Variants in COL13A1 observed in about 807,000 individuals in gnomAD.
The protein encoded by COL13A1 is collagen alpha-1(XIII) chain.
In COL13A1, 89 loss-of-function variants were observed where a neutral mutation model predicts 130.9. That is an observed-to-expected ratio of 0.68 (90% CI 0.57 to 0.81). The LOEUF (loss-of-function observed/expected upper bound fraction) is 0.81. Among genes scored for constraint, COL13A1 ranks in the 30% least tolerant of loss-of-function variants. The probability of loss-of-function intolerance (pLI) is 0.00; values close to 1 mark genes in which losing one functional copy is unlikely to be tolerated. For missense variants in COL13A1, 879 were observed against 934.6 expected, an observed-to-expected ratio of 0.94 and a Z score of 0.78; for synonymous variants, 402 against 341.6, an observed-to-expected ratio of 1.18 and a Z score of -1.95.
At chr10:69,940,363 A>G (rs2067457255) in intron 34 of COL13A1, among the ~76,000 whole-genome samples, 1 of 152,216 alleles carries the variant, frequency 6.6e-6, no homozygotes, top group Non-Finnish European at 1.5e-5. Flanking sequence ...CTCAGACTGT[A>G]AAGTGCCAGC....
chr10:69,817,085 A>T (rs550539141), intron 1 of COL13A1, among the ~76,000 whole-genome samples: 2 of 152,164 alleles, frequency 1.3e-5, no homozygotes, highest in Non-Finnish European at 2.9e-5. Context: ...AGCCACACTG[A>T]TTTGTTTCCA....
At chr10:69,822,259 GT>G in intron 1 of COL13A1, 109 bp from the exon 2 acceptor site, 1 of 736,032 alleles carries the variant, frequency 1.4e-6, no homozygotes, top group Non-Finnish European at 2.1e-6. Flanking sequence ...TCCAGGAAGA[GT>G]TCTGCCGGTT....
intron 27 of COL13A1, among the ~76,000 whole-genome samples, chr10:69,927,797 G>A (rs1483600598): frequency 6.6e-6 from 1 of 152,160 alleles, no homozygotes; most frequent in East Asian, 1.9e-4. Context: ...CTTCTGTGAC[G>A]TCCCAATCCC....
At chr10:69,903,979 C>T (rs1353208361) in intron 15 of COL13A1, among the ~76,000 whole-genome samples, 2 of 152,220 alleles carry the variant, frequency 1.3e-5, no homozygotes, top group Non-Finnish European at 2.9e-5. Context: ...ACACAGCATC[C>T]ACCTTGGCTG....
chr10:69,948,824 A>G (rs973546884), intron 38 of COL13A1, among the ~76,000 whole-genome samples: 1 of 151,998 alleles, frequency 6.6e-6, no homozygotes, highest in African/African-American at 2.4e-5. Context: ...TCACAGACAG[A>G]GGGAGGGTGG....
chr10:69,875,798 A>G (rs2059517442), intron 5 of COL13A1, among the ~76,000 whole-genome samples: 1 of 152,266 alleles, frequency 6.6e-6, no homozygotes, highest in Admixed American at 6.5e-5. Context: ...ACAAAGGGCT[A>G]TAAAGGCAGT....
At chr10:69,822,256 A>G in intron 1 of COL13A1, 113 bp from the exon 2 acceptor site, 1 of 698,156 alleles carries the variant, frequency 1.4e-6, no homozygotes, top group East Asian at 3.2e-5. Flanking sequence ...TGATCCAGGA[A>G]GAGTTCTGCC....
chr10:69,895,477 C>T, intron 12 of COL13A1, 73 bp from the exon 13 acceptor site: 5 of 1,522,308 alleles, frequency 3.3e-6, no homozygotes, highest in Non-Finnish European at 4.6e-6. Context: ...TCCTGAAGTG[C>T]TGGGGGTGCC....
chr10:69,835,008 C>G (rs1039534612), intron 2 of COL13A1, among the ~76,000 whole-genome samples: 1 of 152,170 alleles, frequency 6.6e-6, no homozygotes, highest in African/African-American at 2.4e-5. Context: ...GTGCATCTTG[C>G]TGGAGAGCTG....
intron 10 of COL13A1, among the ~76,000 whole-genome samples, chr10:69,891,210 T>G (rs916776240): frequency 2.0e-5 from 3 of 152,040 alleles, no homozygotes; most frequent in African/African-American, 7.2e-5. Flanking sequence ...TTGCAATGAG[T>G]GCTATAAAAA....
At chr10:69,910,487 T>A (rs1279317143) in intron 17 of COL13A1, among the ~76,000 whole-genome samples, 3 of 152,092 alleles carry the variant, frequency 2.0e-5, no homozygotes, top group African/African-American at 7.2e-5. Flanking sequence ...TTTGCTAATG[T>A]CCACCACCAC....
At chr10:69,906,650 G>A (rs1205572655) in intron 17 of COL13A1, among the ~76,000 whole-genome samples, 1 of 152,128 alleles carries the variant, frequency 6.6e-6, no homozygotes, top group Non-Finnish European at 1.5e-5. Flanking sequence ...GAGTCAGTGT[G>A]GGAAGAGTCT....
intron 2 of COL13A1, among the ~76,000 whole-genome samples, chr10:69,846,232 G>A (rs1853013769): frequency 6.6e-6 from 1 of 152,234 alleles, no homozygotes; most frequent in Non-Finnish European, 1.5e-5. Context: ...GCTGGGGGTG[G>A]TCCCAAGACA....
At chr10:69,875,581 G>C (rs563902492) in intron 5 of COL13A1, among the ~76,000 whole-genome samples, 6 of 152,244 alleles carry the variant, frequency 3.9e-5, no homozygotes, top group African/African-American at 1.4e-4. Context: ...GTTCCCAGGG[G>C]CCTTCTCTGT....
At chr10:69,861,995 T>C (rs1274795301) in intron 2 of COL13A1, among the ~76,000 whole-genome samples, 1 of 152,170 alleles carries the variant, frequency 6.6e-6, no homozygotes, top group East Asian at 1.9e-4. Flanking sequence ...GTGGGGCTGC[T>C]TTGTAGCTTT....
chr10:69,882,699 G>A (rs947394308), intron 7 of COL13A1, among the ~76,000 whole-genome samples: 3 of 152,172 alleles, frequency 2.0e-5, no homozygotes, highest in Admixed American at 6.5e-5. Flanking sequence ...GAAACGCTAC[G>A]TTTAAAATGA....
intron 2 of COL13A1, among the ~76,000 whole-genome samples, chr10:69,860,139 C>T (rs1036551776): frequency 1.3e-5 from 2 of 152,212 alleles, no homozygotes; most frequent in Non-Finnish European, 2.9e-5. Context: ...TTCCCGGCCT[C>T]AGTCTGCAGG....
At position 69,887,504 on chromosome 10, in the gene COL13A1, G is replaced by T. The variant is rs770801378; in HGVS notation, c.549+13G>T. On this transcript the variant is annotated intron_variant, in intron 8 of 40. Coordinates refer to ENST00000645393, the MANE Select transcript of COL13A1 (RefSeq NM_001368882.1). ...CCCTGGATTTCCGGTAAGTGGAGAAGGCTGAAGTTAGCTGTGTCCCAGGTG... is the reference window on the plus strand; with the variant it reads ...CCCTGGATTTCCGGTAAGTGGAGAATGCTGAAGTTAGCTGTGTCCCAGGTG... 5.6e-6 allele frequency: 9 copies of T among 1,613,638 alleles called. No homozygotes were observed. Among genetic ancestry groups the T allele is most frequent in the Non-Finnish European group, 7.6e-6 (9 of 1,179,800 alleles).
intron 38 of COL13A1, among the ~76,000 whole-genome samples, chr10:69,950,574 G>A (rs777020202): frequency 1.3e-5 from 2 of 152,182 alleles, no homozygotes; most frequent in Non-Finnish European, 2.9e-5. Context: ...GAGTTTACCA[G>A]GGGGCTTCCC....
Sources: allele counts gnomAD v4.1 joint callset (sites outside exome capture counted in the v4.1 genomes callset), GRCh38; gene constraint gnomAD v4.1.1; transcripts MANE v1.5; gene names NCBI Gene and HGNC (gene_info 2026-07-23, HGNC 2026-07-21).